The following TTLL11 variants were observed in gnomAD, a reference collection of about 807,000 sequenced individuals.
The protein encoded by TTLL11 is tubulin polyglutamylase TTLL11.
In TTLL11, 42 loss-of-function variants were observed where a neutral mutation model predicts 51.7. That is an observed-to-expected ratio of 0.81 (90% CI 0.64 to 1.05). The LOEUF (loss-of-function observed/expected upper bound fraction) is 1.05. Among genes scored for constraint, TTLL11 ranks in the 50% least tolerant of loss-of-function variants. TTLL11 has a pLI of 0.00. For synonymous variants in TTLL11, 381 were observed against 383.5 expected, an observed-to-expected ratio of 0.99 and a Z score of 0.08; for missense variants, 799 against 940.4, an observed-to-expected ratio of 0.85 and a Z score of 1.97.
At chr9:121,879,597 T>C (rs1838699625) in intron 6 of TTLL11, among the ~76,000 whole-genome samples, 1 of 152,154 alleles carries the variant, frequency 6.6e-6, no homozygotes, top group African/African-American at 2.4e-5. Flanking sequence ...TGACTTGAGG[T>C]GAGGCATCAC....
intron 1 of TTLL11, among the ~76,000 whole-genome samples, chr9:122,079,512 C>T (rs1007225587): frequency 6.6e-6 from 1 of 151,522 alleles, no homozygotes; most frequent in African/African-American, 2.4e-5. Flanking sequence ...GAGATCGAGA[C>T]CATTCTGGCT....
At position 121,989,032 on chromosome 9, in the gene TTLL11, G is replaced by T; in HGVS notation, c.1269+163C>A. ...AAATCACACAGGGAGCAAACAGAAA[G>T]CTTGGAAGTTGGGCCCAGGTTTAAC... On this transcript the variant is annotated intron_variant, in intron 4 of 8. Transcript: ENST00000321582. This position sits in a 1 kb window ranked among gnomAD's most constrained non-coding sequence, Gnocchi z 4.2. 3.3e-6 allele frequency: 5 copies of T among 1,493,572 alleles called. No individual in the cohort carries two copies. The highest frequency in any genetic ancestry group is 4.5e-6 in the Non-Finnish European group (5 of 1,121,118). 92.5% of individuals were successfully genotyped at this position (1,493,572 alleles called of 1,614,324 possible). A position where few individuals can be genotyped will look rare whatever the true frequency, so the allele number is the denominator to read the frequency against.
intron 6 of TTLL11, among the ~76,000 whole-genome samples, chr9:121,887,969 C>T (rs1270037913): frequency 6.6e-6 from 1 of 152,168 alleles, no homozygotes. Flanking sequence ...CCCGGGAGCC[C>T]AGTTAGCCTG....
chr9:122,034,210 AG>A (rs1844637383), intron 2 of TTLL11, among the ~76,000 whole-genome samples: 1 of 152,224 alleles, frequency 6.6e-6, no homozygotes, highest in South Asian at 2.1e-4. Context: ...GCAGGTCAGA[AG>A]GGCTCACACA....
intron 1 of TTLL11, among the ~76,000 whole-genome samples, chr9:122,082,692 AG>A (rs1457002696): frequency 1.3e-5 from 2 of 152,152 alleles, no homozygotes; most frequent in Admixed American, 6.5e-5. Context: ...CTGCTAAAAC[AG>A]CAGTTGCCAA....
chr9:121,855,890 G>A (rs776704942), intron 8 of TTLL11, among the ~76,000 whole-genome samples: 59 of 152,094 alleles, frequency 3.9e-4, no homozygotes, highest in Non-Finnish European at 7.2e-4. Flanking sequence ...CCTTGTATGC[G>A]TTCTATCTTA....
At chr9:121,846,938 C>T (rs1480624541) in intron 8 of TTLL11, among the ~76,000 whole-genome samples, 2 of 152,112 alleles carry the variant, frequency 1.3e-5, no homozygotes, top group African/African-American at 2.4e-5. Flanking sequence ...AGGCCGGGCC[C>T]GGTGGCTCAC....
Position 122,028,859 on chromosome 9 carries a change from CAA to C in TTLL11, c.693+2862_693+2863del, listed in dbSNP as rs1184520063. ...CAACAAAATTAAATTAGAAATCATA[CAA>C]AAAATATTTGGAAAGTCCGCAAATG... On this transcript the variant is annotated intron_variant, in intron 3 of 8. Coordinates refer to ENST00000321582, the MANE Select transcript of TTLL11 (RefSeq NM_001139442.2). 2.0e-5 allele frequency among the ~76,000 whole-genome samples: 3 copies of C among 152,060 alleles called. No homozygotes were observed. In the East Asian group the frequency reaches 5.8e-4, roughly 29 times the overall value.
intron 1 of TTLL11, among the ~76,000 whole-genome samples, chr9:122,062,626 G>A (rs1045054094): frequency 6.6e-6 from 1 of 151,488 alleles, no homozygotes; most frequent in African/African-American, 2.4e-5. Flanking sequence ...CCACCACCAT[G>A]CCTGGCTAAT....
chr9:122,082,404 A>T (rs990448403), intron 1 of TTLL11, among the ~76,000 whole-genome samples: 2 of 150,038 alleles, frequency 1.3e-5, no homozygotes, highest in African/African-American at 4.9e-5. Context: ...CTGGAGGCTG[A>T]GGCACGAGAA....
chr9:122,064,264 A>C (rs1035376442), intron 1 of TTLL11, among the ~76,000 whole-genome samples: 1 of 152,232 alleles, frequency 6.6e-6, no homozygotes, highest in Admixed American at 6.5e-5. Flanking sequence ...TCACCAGAAC[A>C]AAGTTAAAAG....
intron 8 of TTLL11, among the ~76,000 whole-genome samples, chr9:121,852,483 T>G (rs1588070374): frequency 6.6e-6 from 1 of 152,066 alleles, no homozygotes; most frequent in South Asian, 2.1e-4. Flanking sequence ...CTGGGGATGG[T>G]GGGCAACAAG....
chr9:121,913,028 G>T (rs914603552), intron 6 of TTLL11, among the ~76,000 whole-genome samples: 2 of 152,136 alleles, frequency 1.3e-5, no homozygotes, highest in Non-Finnish European at 2.9e-5. Flanking sequence ...TGCAAAGTTT[G>T]GTAAAGACTG....
intron 1 of TTLL11, among the ~76,000 whole-genome samples, chr9:122,041,556 T>G (rs1157908809): frequency 2.0e-5 from 3 of 152,088 alleles, no homozygotes; most frequent in East Asian, 1.9e-4. Flanking sequence ...TTCAAAGTAA[T>G]AAACAAATTC....
chr9:121,877,706 A>C (rs1158313879), intron 6 of TTLL11, among the ~76,000 whole-genome samples: 2 of 152,214 alleles, frequency 1.3e-5, no homozygotes, highest in Admixed American at 1.3e-4. Context: ...CAATTTAAAA[A>C]AATTTAATCT....
chr9:121,870,379 G>A (rs889981642), intron 7 of TTLL11, 118 bp downstream of exon 7: 12 of 1,320,200 alleles, frequency 9.1e-6, no homozygotes, highest in Non-Finnish European at 1.2e-5. Context: ...GCTCAAATGG[G>A]GTACTGACCC....
intron 8 of TTLL11, among the ~76,000 whole-genome samples, chr9:121,835,580 C>T (rs981186129): frequency 6.6e-6 from 1 of 152,198 alleles, no homozygotes; most frequent in Non-Finnish European, 1.5e-5. Flanking sequence ...TTAAGTGTCA[C>T]GACTGGACCA....
At chr9:121,967,426 T>C (rs919899558) in intron 6 of TTLL11, among the ~76,000 whole-genome samples, 23 of 152,060 alleles carry the variant, frequency 1.5e-4, no homozygotes. Context: ...GGTTTCACCA[T>C]GTTGGCCAGG....
intron 1 of TTLL11, among the ~76,000 whole-genome samples, chr9:122,085,047 G>A (rs1846090731): frequency 6.6e-6 from 1 of 152,152 alleles, no homozygotes; most frequent in Admixed American, 6.5e-5. Context: ...ATCATCTGAG[G>A]TCAGGAGTTC....
Sources: allele counts gnomAD v4.1 joint callset (sites outside exome capture counted in the v4.1 genomes callset), GRCh38; gene constraint gnomAD v4.1.1; non-coding constraint Gnocchi (gnomAD v3.1); transcripts MANE v1.5; gene names NCBI Gene and HGNC (gene_info 2026-07-23, HGNC 2026-07-21).